Variants in AGAP1 observed in about 807,000 individuals in gnomAD.
AGAP1 encodes arf-GAP with GTPase, ANK repeat and PH domain-containing protein 1.
AGAP1 carries 29 observed loss-of-function variants against 105.3 expected under a neutral mutation model. The observed-to-expected ratio is 0.28, with a 90% CI of 0.21 to 0.38. The LOEUF (loss-of-function observed/expected upper bound fraction) is 0.38. Among genes scored for constraint, AGAP1 ranks in the 10% least tolerant of loss-of-function variants. The pLI, the probability that AGAP1 is intolerant of heterozygous loss-of-function variation, is 1.00. For missense variants in AGAP1, 998 were observed against 1,165.1 expected (o/e 0.86, Z 2.09); for synonymous variants, 509 against 485.9 (o/e 1.05, Z -0.63).
intron 16 of AGAP1, among the ~76,000 whole-genome samples, chr2:236,093,953 A>T (rs1012081217): frequency 5.3e-5 from 8 of 152,218 alleles, no homozygotes; most frequent in Non-Finnish European, 1.2e-4. Context: ...CACTTTTCAC[A>T]AATAGGCAAT....
chr2:235,534,150 G>A lies in AGAP1; in HGVS notation c.163+39301G>A, dbSNP rs140765726. 1.4e-3 allele frequency among the ~76,000 whole-genome samples: 215 copies of A among 152,322 alleles called. 1 individual carries two copies. The highest frequency in any genetic ancestry group is 4.8e-3 in the African/African-American group (201 of 41,580). ...TTCTGTCTCTGAGAAGCAGCGTGGC[G>A]TGTTCGGATTGTGCCCTCCTGCCGA... On this transcript the variant is annotated intron_variant, in intron 1 of 17. Transcript: ENST00000304032.
chr2:235,654,471 C>T (rs750170338), intron 1 of AGAP1, among the ~76,000 whole-genome samples: 1 of 152,204 alleles, frequency 6.6e-6, no homozygotes, highest in African/African-American at 2.4e-5. Flanking sequence ...CAATATTCTA[C>T]GCCACTGATT....
intron 10 of AGAP1, among the ~76,000 whole-genome samples, chr2:235,890,782 T>C (rs569628416): frequency 3.3e-5 from 5 of 152,292 alleles, no homozygotes; most frequent in Non-Finnish European, 5.9e-5. Context: ...GGAAGTTTGA[T>C]GACATTGTCT....
chr2:235,813,389 T>G (rs778127478), intron 9 of AGAP1, among the ~76,000 whole-genome samples: 19 of 152,248 alleles, frequency 1.2e-4, no homozygotes, highest in Non-Finnish European at 2.6e-4. Flanking sequence ...CACGACCAAC[T>G]GCCATGCTAA....
chr2:235,797,917 T>A (rs1254603792), intron 7 of AGAP1, 31 bp downstream of exon 7: 1 of 1,612,760 alleles, frequency 6.2e-7, no homozygotes, highest in Admixed American at 1.7e-5. Flanking sequence ...AGTCAGACTC[T>A]TAGAACCAAA....
rs2054287216 is a variant in AGAP1 at position 235,963,937 on chromosome 2, C to T, written c.1484-4525C>T. On this transcript the variant is annotated intron_variant, in intron 12 of 17. Coordinates refer to ENST00000304032, the MANE Select transcript of AGAP1 (RefSeq NM_001037131.3). The surrounding 1 kb of genome is among the most constrained non-coding windows in gnomAD (Gnocchi z 5.1). ...TGTGTTCTGAGTGTCTTCGAAATAGCGGTGTACACTCATAAAAACAACCGC... is the reference window on the plus strand; with the variant it reads ...TGTGTTCTGAGTGTCTTCGAAATAGTGGTGTACACTCATAAAAACAACCGC... Among the ~76,000 whole-genome samples, 3 of 145,496 alleles carry T rather than the reference C, an allele frequency of 2.1e-5. No individual in the cohort carries two copies. The highest frequency in any genetic ancestry group is 8.5e-5 in the African/African-American group (3 of 35,096).
At chr2:235,508,983 C>T (rs920658665) in intron 1 of AGAP1, among the ~76,000 whole-genome samples, 2 of 152,274 alleles carry the variant, frequency 1.3e-5, no homozygotes, top group Admixed American at 6.5e-5. Flanking sequence ...TAGTCGGGGG[C>T]GTGGTGGTGG....
intron 13 of AGAP1, among the ~76,000 whole-genome samples, chr2:235,990,802 G>T (rs971925760): frequency 6.6e-6 from 1 of 152,196 alleles, no homozygotes; most frequent in African/African-American, 2.4e-5. Flanking sequence ...TATGACCATG[G>T]CCATTTTTGG....
intron 1 of AGAP1, among the ~76,000 whole-genome samples, chr2:235,528,219 T>C (rs1942915793): frequency 6.6e-6 from 1 of 150,956 alleles, no homozygotes; most frequent in Non-Finnish European, 1.5e-5. Context: ...CCCCCCACAT[T>C]CAGGACTTTG....
At chr2:235,695,542 A>G (rs565788943) in intron 1 of AGAP1, among the ~76,000 whole-genome samples, 1 of 152,284 alleles carries the variant, frequency 6.6e-6, no homozygotes, top group East Asian at 1.9e-4. Context: ...GTTTGTGCTC[A>G]GTATATTACA....
chr2:236,098,723 C>G (rs565188905), intron 16 of AGAP1, among the ~76,000 whole-genome samples: 2 of 150,086 alleles, frequency 1.3e-5, no homozygotes, highest in East Asian at 2.0e-4. Context: ...CTGCTGGGCT[C>G]AAGCGATCCC....
chr2:235,604,743 T>C (rs1945866412), intron 1 of AGAP1, among the ~76,000 whole-genome samples: 3 of 151,390 alleles, frequency 2.0e-5, no homozygotes, highest in Admixed American at 1.3e-4. Context: ...CTACCACGCC[T>C]GGCTAATTTT....
At chr2:236,024,945 T>C (rs2057005414) in intron 13 of AGAP1, among the ~76,000 whole-genome samples, 1 of 152,234 alleles carries the variant, frequency 6.6e-6, no homozygotes, top group Admixed American at 6.5e-5. Context: ...TCACAAAACT[T>C]TATTAAACAG....
chr2:235,701,062 G>T lies in AGAP1; in HGVS notation c.164-8117G>T, dbSNP rs61235363. ...ATAGTTATATGTATATATTATATAT[G>T]CTATAATATAGTTATATGTATATAT... On this transcript the variant is annotated intron_variant, in intron 1 of 17. Coordinates refer to ENST00000304032, the MANE Select transcript of AGAP1 (RefSeq NM_001037131.3). The surrounding 1 kb of genome is among the most constrained non-coding windows in gnomAD (Gnocchi z 4.1). Among the ~76,000 whole-genome samples, 125 of 25,578 alleles carry T rather than the reference G, an allele frequency of 4.9e-3. 4 individuals carry two copies. The highest frequency in any genetic ancestry group is 8.8e-3 in the African/African-American group (98 of 11,100). 16.8% of individuals were successfully genotyped at this position (25,578 alleles called of 152,430 possible). A position where few individuals can be genotyped will look rare whatever the true frequency, so the allele number is the denominator to read the frequency against.
At chr2:235,969,664 C>G (rs1469884523) in intron 13 of AGAP1, among the ~76,000 whole-genome samples, 1 of 152,194 alleles carries the variant, frequency 6.6e-6, no homozygotes, top group African/African-American at 2.4e-5. Context: ...TCCACATATC[C>G]AGAGCGGAGC....
chr2:235,921,687 C>G (rs2052188737), intron 11 of AGAP1, among the ~76,000 whole-genome samples: 2 of 152,282 alleles, frequency 1.3e-5, no homozygotes, highest in Middle Eastern at 3.4e-3. Context: ...CATGGAAAAT[C>G]TCTTAACTAA....
intron 13 of AGAP1, among the ~76,000 whole-genome samples, chr2:235,969,670 G>A (rs958417777): frequency 1.3e-5 from 2 of 152,188 alleles, no homozygotes; most frequent in Non-Finnish European, 2.9e-5. Context: ...TATCCAGAGC[G>A]GAGCACGCAA....
At chr2:235,613,679 A>G (rs991328337) in intron 1 of AGAP1, among the ~76,000 whole-genome samples, 2 of 152,272 alleles carry the variant, frequency 1.3e-5, no homozygotes, top group African/African-American at 4.8e-5. Flanking sequence ...ATCACAGATA[A>G]CTAGAACCAC....
chr2:235,610,170 T>C lies in AGAP1; in HGVS notation c.164-99009T>C, dbSNP rs933820681. Among the ~76,000 whole-genome samples the C allele has an allele frequency of 6.6e-6, 1 of 152,154 alleles. No homozygotes were observed. The highest frequency in any genetic ancestry group is 1.5e-5 in the Non-Finnish European group (1 of 68,022). On this transcript the variant is annotated intron_variant, in intron 1 of 17. Transcript: ENST00000304032. This position sits in a 1 kb window ranked among gnomAD's most constrained non-coding sequence, Gnocchi z 4.9. The stretch of plus-strand genomic sequence containing the variant: ...CCCAGCTCCTGGCTTCTGATCTGTG[T>C]TGACTGCTACCCGATAGAGCCACAG...
Sources: gnomAD v4.1 joint callset for allele counts (sites outside exome capture counted in the v4.1 genomes callset) on GRCh38, gnomAD v4.1.1 for gene constraint, Gnocchi (gnomAD v3.1) non-coding constraint, MANE v1.5 for transcripts, NCBI Gene and HGNC (gene_info 2026-07-23, HGNC 2026-07-21) for gene names.